The following C6orf58 variants were observed in gnomAD, a reference collection of about 807,000 sequenced individuals.
The protein encoded by C6orf58 is protein LEG1 homolog.
A neutral mutation model predicts 37.0 loss-of-function variants in C6orf58; 30 were observed. The observed-to-expected ratio is 0.81, with a 90% CI of 0.61 to 1.10. The LOEUF (loss-of-function observed/expected upper bound fraction) is 1.10. Among genes scored for constraint, C6orf58 ranks in the 50% least tolerant of loss-of-function variants. The probability of loss-of-function intolerance (pLI) is 0.00; values close to 1 mark genes in which losing one functional copy is unlikely to be tolerated. For missense variants in C6orf58, 368 were observed against 387.5 expected, an observed-to-expected ratio of 0.95 and a Z score of 0.42; for synonymous variants, 143 against 134.1, an observed-to-expected ratio of 1.07 and a Z score of -0.46.
At chr6:127,580,015 T>C (rs1775031010) in intron 2 of C6orf58, among the ~76,000 whole-genome samples, 4 of 152,126 alleles carry the variant, frequency 2.6e-5, no homozygotes, top group Admixed American at 2.6e-4. Flanking sequence ...TTACTTTTTG[T>C]TTTAAAATAT....
chr6:127,591,467 A>G, intron 5 of C6orf58, 76 bp from the exon 6 acceptor site: 1 of 1,258,906 alleles, frequency 7.9e-7, no homozygotes, highest in Non-Finnish European at 1.1e-6. Flanking sequence ...AAATAAAATT[A>G]TGAGCCATAT....
intron 5 of C6orf58, among the ~76,000 whole-genome samples, chr6:127,590,656 A>G (rs938139267): frequency 2.4e-4 from 36 of 152,114 alleles, no homozygotes; most frequent in African/African-American, 7.7e-4. Flanking sequence ...TTAAAAAAAA[A>G]AACTTTCTAC....
chr6:127,577,386 A>G lies in C6orf58; in HGVS notation c.201A>G (p.Ile67Met), dbSNP rs758126300. 7.4e-6 allele frequency: 12 copies of G among 1,613,518 alleles called. No individual in the cohort carries two copies. Among genetic ancestry groups the G allele is most frequent in the Middle Eastern group, 1.6e-4 (1 of 6,078 alleles). The change falls in exon 1 of 6, where the codon ATA becomes ATG. Residue 67 changes from isoleucine to methionine, a missense_variant. Transcript: ENST00000329722. ...AGAGAATGGGGATGTATAAAATCATATTGAATCAGACAGCCAGGTATTTTG... is the reference window on the plus strand; with the variant it reads ...AGAGAATGGGGATGTATAAAATCATGTTGAATCAGACAGCCAGGTATTTTG... The part of the protein sequence containing the change: ...YLERMGMYKI[I>M]LNQTARYFAK...
At chr6:127,578,221 CT>C (rs1775010736) in intron 1 of C6orf58, among the ~76,000 whole-genome samples, 1 of 152,088 alleles carries the variant, frequency 6.6e-6, no homozygotes, top group Non-Finnish European at 1.5e-5. Flanking sequence ...ACCTTTGGTG[CT>C]TTTTCTCACC....
intron 4 of C6orf58, among the ~76,000 whole-genome samples, chr6:127,585,543 G>A (rs1775098333): frequency 6.6e-6 from 1 of 152,140 alleles, no homozygotes; most frequent in East Asian, 1.9e-4. Context: ...ACAACATGAA[G>A]CACAGGAAAT....
At chr6:127,583,581 G>A (rs1775072992) in intron 4 of C6orf58, among the ~76,000 whole-genome samples, 1 of 152,056 alleles carries the variant, frequency 6.6e-6, no homozygotes, top group Non-Finnish European at 1.5e-5. Context: ...GGGTCTGGAG[G>A]GGCTCTCTTG....
chr6:127,583,159 G>A (rs1372745439), intron 4 of C6orf58, among the ~76,000 whole-genome samples: 1 of 152,128 alleles, frequency 6.6e-6, no homozygotes, highest in African/African-American at 2.4e-5. Context: ...TTTGCCTACT[G>A]TTAGATTTAA....
chr6:127,580,820 A>G (rs1485647593), intron 3 of C6orf58, among the ~76,000 whole-genome samples: 3 of 152,108 alleles, frequency 2.0e-5, no homozygotes, highest in Admixed American at 1.3e-4. Flanking sequence ...ACTTTAGTAG[A>G]TTATTGCATT....
chr6:127,578,298 C>T (rs1583126959), intron 1 of C6orf58, among the ~76,000 whole-genome samples: 1 of 151,970 alleles, frequency 6.6e-6, no homozygotes, highest in Non-Finnish European at 1.5e-5. Context: ...AAAACTAAGG[C>T]ATTAGAGGTT....
chr6:127,581,782 AT>A (rs1389765333), intron 4 of C6orf58, among the ~76,000 whole-genome samples: 2 of 152,150 alleles, frequency 1.3e-5, no homozygotes, highest in Non-Finnish European at 2.9e-5. Context: ...AAACACCTTG[AT>A]TGGTTACAGC....
chr6:127,588,878 G>A (rs1057011558), intron 4 of C6orf58, among the ~76,000 whole-genome samples: 2 of 151,932 alleles, frequency 1.3e-5, no homozygotes, highest in African/African-American at 4.8e-5. Context: ...ATCTTTGCTT[G>A]GTAGGTGACT....
intron 4 of C6orf58, among the ~76,000 whole-genome samples, chr6:127,587,252 A>C (rs907347142): frequency 7.2e-5 from 11 of 152,164 alleles, no homozygotes; most frequent in Non-Finnish European, 4.4e-5. Flanking sequence ...CATTTTTACT[A>C]AAAAACTCTT....
Position 127,578,745 on chromosome 6 carries a change from T to C in C6orf58, c.361T>C (p.Cys121Arg). Residue 121 changes from cysteine (C) to arginine (R), a missense_variant, in exon 2 of 6, where the codon TGC becomes CGC. By Grantham distance (180) the Cys-to-Arg change is radical. Coordinates refer to ENST00000329722, the MANE Select transcript of C6orf58 (RefSeq NM_001010905.3). ...NCGYESGDHM[C>R]ISVDSWWADL... ...TGGCTATGAATCTGGAGATCATATG[T>C]GCATCTCTGTGGACAGTTGGTGGGC... 6.2e-7 allele frequency: 1 copy of C among 1,612,778 alleles called. No individual in the cohort carries two copies. Among genetic ancestry groups the C allele is most frequent in the Non-Finnish European group, 8.5e-7 (1 of 1,179,010 alleles).
At chr6:127,581,319 G>A in intron 4 of C6orf58, 37 bp downstream of exon 4, 1 of 936,356 alleles carries the variant, frequency 1.1e-6, no homozygotes, top group South Asian at 2.1e-5. Flanking sequence ...TATTTAATAT[G>A]ATAAATAATT....
At chr6:127,580,512 G>A (rs1263605655) in intron 3 of C6orf58, 63 bp downstream of exon 3, 2 of 1,314,220 alleles carry the variant, frequency 1.5e-6, no homozygotes, top group Non-Finnish European at 2.1e-6. Flanking sequence ...ATTTCGTCTA[G>A]GATTTTTTTG....
Position 127,590,149 on chromosome 6 carries a change from A to G in C6orf58, c.737A>G (p.His246Arg), listed in dbSNP as rs1399099586. ...FERSWVLAVD[H>R]LAAVLFPTTL... is the part of the protein sequence containing the mutation. ...AGAAGTTGGGTACTGGCTGTGGATC[A>G]TTTAGCTGCAGTCCTCTTTCCTACA... The change falls in exon 5 of 6, where the codon CAT becomes CGT. Residue 246 changes from histidine to arginine, a missense_variant. Transcript: ENST00000329722. The G allele has an allele frequency of 4.3e-6, 7 of 1,613,748 alleles. No individual in the cohort carries two copies.
rs1775000447 is a variant in C6orf58, at chr6:127,577,361, A to G, written c.176A>G (p.Glu59Gly). The change falls in exon 1 of 6, where the codon GAG becomes GGG. Residue 59 changes from glutamate (E) to glycine (G), a missense_variant. Coordinates refer to ENST00000329722, the MANE Select transcript of C6orf58 (RefSeq NM_001010905.3). Reference sequence around the variant, plus strand: ...ATTATTAATCCCTGGGTATACCTTGAGAGAATGGGGATGTATAAAATCATA... The same window carrying G: ...ATTATTAATCCCTGGGTATACCTTGGGAGAATGGGGATGTATAAAATCATA... ...MYIINPWVYL[E>G]RMGMYKIILN... 3.7e-6 allele frequency: 6 copies of G among 1,613,508 alleles called. No individual in the cohort carries two copies. Among genetic ancestry groups the G allele is most frequent in the South Asian group, 1.1e-5 (1 of 91,064 alleles).
intron 4 of C6orf58, among the ~76,000 whole-genome samples, chr6:127,582,638 A>G (rs1461129035): frequency 2.6e-5 from 4 of 152,140 alleles, no homozygotes; most frequent in Non-Finnish European, 4.4e-5. Flanking sequence ...TCTAAGCATA[A>G]CCTCCTTTAC....
At chr6:127,589,482 T>A (rs1052511286) in intron 4 of C6orf58, among the ~76,000 whole-genome samples, 1 of 152,196 alleles carries the variant, frequency 6.6e-6, no homozygotes, top group African/African-American at 2.4e-5. Flanking sequence ...TTGTCCCCAT[T>A]TCTTAGGAGA....
Sources: gnomAD v4.1 joint callset for allele counts (sites outside exome capture counted in the v4.1 genomes callset) on GRCh38, gnomAD v4.1.1 for gene constraint, MANE v1.5 for transcripts, NCBI Gene and HGNC (gene_info 2026-07-23, HGNC 2026-07-21) for gene names.